SORCS2: variants seen among roughly 807,000 people sequenced by gnomAD.
SORCS2 encodes the protein VPS10 domain-containing receptor SorCS2.
In SORCS2, 100 loss-of-function variants were observed where a neutral mutation model predicts 141.6. That is an observed-to-expected ratio of 0.71 (90% CI 0.60 to 0.83). The LOEUF (loss-of-function observed/expected upper bound fraction) is 0.83, where lower values mean the gene tolerates loss of function less well. Ranked by LOEUF, SORCS2 falls within the 40% of genes least tolerant of loss-of-function variation. The probability of loss-of-function intolerance (pLI) is 0.00; values close to 1 mark genes in which losing one functional copy is unlikely to be tolerated. For missense variants in SORCS2, 1,646 were observed against 1,560.2 expected (o/e 1.05, Z -0.93); for synonymous variants, 789 against 676.9 (o/e 1.17, Z -2.57).
intron 2 of SORCS2, among the ~76,000 whole-genome samples, chr4:7,411,534 TCTTC>T (rs1371858245): frequency 6.6e-6 from 1 of 151,936 alleles, no homozygotes; most frequent in Admixed American, 6.6e-5. Context: ...TCCTTCTCAT[TCTTC>T]CTTCCATTTG....
chr4:7,525,552 A>G (rs1733616507), intron 2 of SORCS2, among the ~76,000 whole-genome samples: 1 of 151,780 alleles, frequency 6.6e-6, no homozygotes, highest in Admixed American at 6.6e-5. Flanking sequence ...TCCATCTTCC[A>G]TGTCACCTGG....
At chr4:7,310,570 A>C (rs929753254) in intron 1 of SORCS2, 1 of 154,246 alleles carries the variant, frequency 6.5e-6, no homozygotes, top group Non-Finnish European at 1.5e-5. Flanking sequence ...TAGTTGCCCC[A>C]TGAGGCCCCC....
intron 2 of SORCS2, chr4:7,434,363 AGGTAAG>A: frequency 6.2e-7 from 1 of 1,608,096 alleles, no homozygotes; most frequent in East Asian, 2.2e-5. Context: ...CGGGGGTGGA[AGGTAAG>A]GGGCCCATTG....
At chr4:7,275,779 A>G (rs1715461465) in intron 1 of SORCS2, among the ~76,000 whole-genome samples, 1 of 152,188 alleles carries the variant, frequency 6.6e-6, no homozygotes, top group Non-Finnish European at 1.5e-5. Flanking sequence ...AGCAAGGTGC[A>G]TGAGCTTTGA....
chr4:7,428,418 T>C (rs1159565540), intron 2 of SORCS2, among the ~76,000 whole-genome samples: 1 of 152,160 alleles, frequency 6.6e-6, no homozygotes, highest in Non-Finnish European at 1.5e-5. Context: ...CAGAGACCAC[T>C]GAGACGAATT....
At chr4:7,401,684 G>T (rs1724603936) in intron 2 of SORCS2, among the ~76,000 whole-genome samples, 1 of 152,158 alleles carries the variant, frequency 6.6e-6, no homozygotes, top group Admixed American at 6.5e-5. Flanking sequence ...TAGACCAGGG[G>T]ACTCTGTGCC....
At chr4:7,268,848 G>C (rs1185411276) in intron 1 of SORCS2, among the ~76,000 whole-genome samples, 1 of 151,712 alleles carries the variant, frequency 6.6e-6, no homozygotes, top group Non-Finnish European at 1.5e-5. Context: ...GGGGACCTCA[G>C]CTTAGGGTGA....
In SORCS2 at chr4:7,676,217, C is replaced by A; in HGVS notation, c.1329C>A (p.Ile443=). ...SSRQAEESVL[I]DILEVRGVKG... ...GGCAGGCGGAGGAGAGCGTGCTCAT[C>A]GACATCCTGGAGGTGGGTCCAGGGT... Residue 443 remains isoleucine, a synonymous_variant, in exon 9 of 27, where the codon ATC becomes ATA. Coordinates refer to ENST00000507866, the MANE Select transcript of SORCS2 (RefSeq NM_020777.3). 1 of 1,550,834 alleles carries A rather than the reference C, an allele frequency of 6.4e-7. No individual in the cohort carries two copies.
At chr4:7,252,842 C>T (rs1713596554) in intron 1 of SORCS2, among the ~76,000 whole-genome samples, 1 of 152,220 alleles carries the variant, frequency 6.6e-6, no homozygotes, top group African/African-American at 2.4e-5. Flanking sequence ...TCATGAGTGG[C>T]AATCCAAAAT....
intron 2 of SORCS2, 21 bp downstream of exon 2, chr4:7,396,376 G>T: frequency 6.2e-7 from 1 of 1,613,180 alleles, no homozygotes. Context: ...CCGATGGCAG[G>T]CCTTTCTCTT....
At chr4:7,476,884 A>C (rs1577628312) in intron 2 of SORCS2, among the ~76,000 whole-genome samples, 1 of 152,226 alleles carries the variant, frequency 6.6e-6, no homozygotes, top group East Asian at 1.9e-4. Context: ...TTCCTTAGAC[A>C]GCCAGGTTCA....
chr4:7,674,398 C>A (rs1229290384), intron 8 of SORCS2, among the ~76,000 whole-genome samples: 2 of 151,754 alleles, frequency 1.3e-5, no homozygotes, highest in Non-Finnish European at 2.9e-5. Context: ...ACAGTGAAAC[C>A]CCGTCTCTAC....
At chr4:7,346,789 A>C (rs1156330333) in intron 1 of SORCS2, among the ~76,000 whole-genome samples, 2 of 152,184 alleles carry the variant, frequency 1.3e-5, no homozygotes, top group Non-Finnish European at 2.9e-5. Flanking sequence ...CTTCAGCCAC[A>C]CTTAAACCAA....
At chr4:7,374,187 CTTTCTTTCT>C (rs1346993769) in intron 1 of SORCS2, among the ~76,000 whole-genome samples, 41 of 133,750 alleles carry the variant, frequency 3.1e-4, no homozygotes, top group Admixed American at 1.1e-3. Context: ...TTCTTTCTTT[CTTTCTTTCT>C]TTTTTGCAGA....
At chr4:7,434,953 C>A (rs1727196866) in intron 2 of SORCS2, 2 of 1,454,010 alleles carry the variant, frequency 1.4e-6, no homozygotes, top group Admixed American at 2.7e-5. Flanking sequence ...CCTGCCTGGC[C>A]CCAGAGGAGG....
At chr4:7,417,181 A>G (rs146039625) in intron 2 of SORCS2, among the ~76,000 whole-genome samples, 2,361 of 152,308 alleles carry the variant, frequency 0.016, 18 homozygotes, top group Non-Finnish European at 0.023. Flanking sequence ...TTACAGGGCA[A>G]GCAGCATCTG....
chr4:7,615,343 G>A (rs1718690084), intron 3 of SORCS2, among the ~76,000 whole-genome samples: 1 of 152,250 alleles, frequency 6.6e-6, no homozygotes, highest in Non-Finnish European at 1.5e-5. Context: ...ATTAGCTGAG[G>A]ACAAATGGGG....
Position 7,587,776 on chromosome 4 carries a change from T to C in SORCS2, c.649-50552T>C, listed in dbSNP as rs115195848. Among the ~76,000 whole-genome samples, 1,082 of 152,226 alleles carry C rather than the reference T, an allele frequency of 7.1e-3. 12 individuals carry two copies. The highest frequency in any genetic ancestry group is 0.025 in the African/African-American group (1,049 of 41,524). On this transcript the variant is annotated intron_variant, in intron 3 of 26. Coordinates refer to ENST00000507866, the MANE Select transcript of SORCS2 (RefSeq NM_020777.3). ...CGTCAGGGACTGTTTGCCCCCTCTT[T>C]CCAGCTGCAGGGCCTGTCAGTATGA...
intron 1 of SORCS2, among the ~76,000 whole-genome samples, chr4:7,254,193 A>C (rs1415737236): frequency 6.6e-6 from 1 of 152,240 alleles, no homozygotes; most frequent in Non-Finnish European, 1.5e-5. Context: ...GAAGGAAAGG[A>C]TCAGTGCATC....
Sources: gnomAD v4.1 joint callset for allele counts (sites outside exome capture counted in the v4.1 genomes callset) on GRCh38, gnomAD v4.1.1 for gene constraint, MANE v1.5 for transcripts, NCBI Gene and HGNC (gene_info 2026-07-23, HGNC 2026-07-21) for gene names.